The following LGSN variants were observed in gnomAD, a reference collection of about 807,000 sequenced individuals.
LGSN encodes the protein lengsin.
LGSN carries 21 observed loss-of-function variants against 19.5 expected under a neutral mutation model. That is an observed-to-expected ratio of 1.07 (90% CI 0.76 to 1.55). The LOEUF is 1.55. Ranked by LOEUF, LGSN falls within the 40% of genes most tolerant of loss-of-function variation. The pLI, the probability that LGSN is intolerant of heterozygous loss-of-function variation, is 0.00. For missense variants in LGSN, 673 were observed against 608.5 expected, an observed-to-expected ratio of 1.11 and a Z score of -1.12; for synonymous variants, 257 against 215.6, an observed-to-expected ratio of 1.19 and a Z score of -1.68.
intron 1 of LGSN, among the ~76,000 whole-genome samples, chr6:63,318,651 C>T (rs1395523524): frequency 6.6e-6 from 1 of 152,092 alleles, no homozygotes; most frequent in Non-Finnish European, 1.5e-5. Flanking sequence ...TTTTTCTGCT[C>T]TCCTAAGAGT....
the LGSN span, among the ~76,000 whole-genome samples, chr6:63,481,556 C>T: frequency 2.0e-5 from 3 of 151,964 alleles, no homozygotes; most frequent in South Asian, 6.2e-4. Context: ...CTGTGTTAGC[C>T]AGGATGGTGT....
At chr6:63,513,628 T>C in the LGSN span, among the ~76,000 whole-genome samples, 1 of 151,868 alleles carries the variant, frequency 6.6e-6, no homozygotes, top group African/African-American at 2.4e-5. Flanking sequence ...GAAAAGCAAT[T>C]GGCCAGGTGT....
chr6:63,369,232 T>C, the LGSN span, among the ~76,000 whole-genome samples: 1 of 152,244 alleles, frequency 6.6e-6, no homozygotes, highest in African/African-American at 2.4e-5. Flanking sequence ...GTATACTTGC[T>C]ACTTTTTGAA....
At chr6:63,309,902 A>G (rs959252274) in intron 1 of LGSN, among the ~76,000 whole-genome samples, 1 of 152,116 alleles carries the variant, frequency 6.6e-6, no homozygotes, top group Non-Finnish European at 1.5e-5. Flanking sequence ...TTCATCCTTC[A>G]TACTACTGCC....
the LGSN span, among the ~76,000 whole-genome samples, chr6:63,488,317 C>T: frequency 3.3e-5 from 5 of 152,264 alleles, no homozygotes; most frequent in East Asian, 5.8e-4. Context: ...AAGCACTATT[C>T]TCCCTTTGCA....
chr6:63,487,360 G>A, the LGSN span, among the ~76,000 whole-genome samples: 1 of 152,178 alleles, frequency 6.6e-6, no homozygotes, highest in Non-Finnish European at 1.5e-5. Flanking sequence ...CAAGGAGGGA[G>A]GGAAACTAGA....
the LGSN span, among the ~76,000 whole-genome samples, chr6:63,375,593 CATCT>C: frequency 6.6e-6 from 1 of 151,994 alleles, no homozygotes; most frequent in Non-Finnish European, 1.5e-5. Context: ...CTGTACTCAC[CATCT>C]ACTTTATTAG....
chr6:63,429,900 G>A, the LGSN span, among the ~76,000 whole-genome samples: 1 of 152,114 alleles, frequency 6.6e-6, no homozygotes, highest in Non-Finnish European at 1.5e-5. Flanking sequence ...TATAGTTGCT[G>A]TTCAGGTCAT....
At chr6:63,564,373 C>G in the LGSN span, among the ~76,000 whole-genome samples, 2 of 151,886 alleles carry the variant, frequency 1.3e-5, no homozygotes, top group East Asian at 3.8e-4. Flanking sequence ...TAGAAATACA[C>G]GAAGATAGCA....
intron 1 of LGSN, among the ~76,000 whole-genome samples, chr6:63,310,319 C>T (rs1321764326): frequency 1.3e-5 from 2 of 152,016 alleles, no homozygotes; most frequent in Non-Finnish European, 2.9e-5. Context: ...GATCTCCTTT[C>T]CTTTTAAAAT....
the LGSN span, among the ~76,000 whole-genome samples, chr6:63,389,957 G>A: frequency 2.0e-5 from 3 of 151,740 alleles, no homozygotes; most frequent in Non-Finnish European, 2.9e-5. Flanking sequence ...AATGGTGAGA[G>A]AAAATTTTCT....
At chr6:63,428,515 C>T in the LGSN span, among the ~76,000 whole-genome samples, 1 of 152,020 alleles carries the variant, frequency 6.6e-6, no homozygotes, top group South Asian at 2.1e-4. Context: ...CCATGCCCAG[C>T]TAATTTTGTA....
the LGSN span, among the ~76,000 whole-genome samples, chr6:63,566,394 C>G: frequency 1.3e-5 from 2 of 152,114 alleles, no homozygotes; most frequent in East Asian, 1.9e-4. Context: ...GGCTCAGGGT[C>G]GGGGTCAGTT....
the LGSN span, among the ~76,000 whole-genome samples, chr6:63,412,246 A>T: frequency 6.6e-6 from 1 of 151,762 alleles, no homozygotes; most frequent in African/African-American, 2.4e-5. Context: ...AGAAGCCTGT[A>T]ATCCCAGCTA....
chr6:63,420,811 A>C, the LGSN span, among the ~76,000 whole-genome samples: 4 of 152,210 alleles, frequency 2.6e-5, no homozygotes, highest in Non-Finnish European at 5.9e-5. Context: ...TAATGTAACT[A>C]CCTAACACAG....
At chr6:63,390,666 C>T in the LGSN span, among the ~76,000 whole-genome samples, 1 of 151,238 alleles carries the variant, frequency 6.6e-6, no homozygotes, top group Non-Finnish European at 1.5e-5. Context: ...ACCATCCTGG[C>T]TAACACGGTG....
chr6:63,303,324 T>C (rs1768261844), intron 1 of LGSN, among the ~76,000 whole-genome samples: 1 of 152,206 alleles, frequency 6.6e-6, no homozygotes, highest in Non-Finnish European at 1.5e-5. Context: ...GCAATAACAA[T>C]AGCTAAAATA....
chr6:63,494,514 A>G, the LGSN span, among the ~76,000 whole-genome samples: 2 of 152,216 alleles, frequency 1.3e-5, no homozygotes. Context: ...GATTTTAATT[A>G]CAGATTCATA....
At chr6:63,384,525 G>GTT in the LGSN span, among the ~76,000 whole-genome samples, 1 of 151,408 alleles carries the variant, frequency 6.6e-6, no homozygotes, top group Non-Finnish European at 1.5e-5. Context: ...GTGTGTGTGT[G>GTT]TGTGTGTGTG....
Sources: gnomAD v4.1 joint callset for allele counts (sites outside exome capture counted in the v4.1 genomes callset) on GRCh38, gnomAD v4.1.1 for gene constraint, MANE v1.5 for transcripts, NCBI Gene and HGNC (gene_info 2026-07-23, HGNC 2026-07-21) for gene names.